The following DNASE1 variants were observed in gnomAD, a reference collection of about 807,000 sequenced individuals.
The protein encoded by DNASE1 is deoxyribonuclease 1, also known as deoxyribonuclease-1.
DNASE1 carries 40 observed loss-of-function variants against 33.9 expected under a neutral mutation model. The observed-to-expected ratio is 1.18, with a 90% CI of 0.92 to 1.54. The LOEUF (loss-of-function observed/expected upper bound fraction) is 1.54. DNASE1 is among the 40% of genes most tolerant of loss of function. The pLI, the probability that DNASE1 is intolerant of heterozygous loss-of-function variation, is 0.00. For synonymous variants in DNASE1, 216 were observed against 160.0 expected (o/e 1.35, Z -2.64); for missense variants, 518 against 372.6 (o/e 1.39, Z -3.21).
chr16:3,627,965 A>G (rs539859223), intron 1 of DNASE1, among the ~76,000 whole-genome samples: 55 of 145,470 alleles, frequency 3.8e-4, no homozygotes, highest in Non-Finnish European at 7.8e-4. Context: ...AAAAAAAGTC[A>G]TTGGGATTTT....
downstream of DNASE1, chr16:3,661,302 A>G (rs2043058651): frequency 6.6e-6 from 1 of 152,134 alleles, no homozygotes; most frequent in Non-Finnish European, 1.5e-5. Context: ...GTGAAAAGAC[A>G]TTTACAACAG....
rs112771320 is a variant in DNASE1 at position 3,616,391 on chromosome 16, C to T, written c.-1359+4385C>T. ...ATCCCGGCATTTTGGGAGTCTGAGT[C>T]AGGCAGATCACTTGAGGTCAGGAGT... is the stretch of plus-strand genomic sequence containing the variant. On this transcript the variant is annotated intron_variant and NMD_transcript_variant, in intron 1 of 11. Transcript: ENST00000570769. Among the ~76,000 whole-genome samples the T allele has an allele frequency of 3.6e-3, 541 of 152,308 alleles. 3 individuals carry two copies. The highest frequency in any genetic ancestry group is 0.012 in the African/African-American group (515 of 41,562).
intron 1 of DNASE1, among the ~76,000 whole-genome samples, chr16:3,637,543 T>C (rs2041905724): frequency 6.6e-6 from 1 of 152,192 alleles, no homozygotes; most frequent in Non-Finnish European, 1.5e-5. Context: ...TTCCTGCCTG[T>C]GGAAGGCTTA....
chr16:3,661,845 C>T, downstream of DNASE1: 1 of 1,135,362 alleles, frequency 8.8e-7, no homozygotes. Context: ...GCAGCCTAAA[C>T]TGCATACAGC....
intron 1 of DNASE1, among the ~76,000 whole-genome samples, chr16:3,625,280 T>A (rs977517437): frequency 6.6e-6 from 1 of 152,146 alleles, no homozygotes; most frequent in African/African-American, 2.4e-5. Context: ...CATTCCAGCC[T>A]GGGCAACAGA....
chr16:3,654,990 T>C lies in DNASE1; in HGVS notation c.-56T>C, dbSNP rs903515190. ...AGGAGAAAATTGTCATCAAAGGATA[T>C]TCCAGATTCTTGACAGCATTCTCGT... is the stretch of plus-strand genomic sequence containing the variant. On this transcript the variant is annotated 5_prime_UTR_variant, in exon 1 of 9. Coordinates refer to ENST00000246949, the MANE Select transcript of DNASE1 (RefSeq NM_005223.4). The C allele has an allele frequency of 2.1e-5, 10 of 484,016 alleles. No individual in the cohort carries two copies. Among genetic ancestry groups the C allele is most frequent in the African/African-American group, 1.8e-4 (9 of 50,886 alleles). 30.0% of individuals were successfully genotyped at this position (484,016 alleles called of 1,614,324 possible).
At chr16:3,617,385 G>A (rs935643602) in intron 1 of DNASE1, among the ~76,000 whole-genome samples, 3 of 148,164 alleles carry the variant, frequency 2.0e-5, no homozygotes, top group African/African-American at 7.7e-5. Flanking sequence ...TTATGACCTT[G>A]GAGTTGGCAG....
downstream of DNASE1, chr16:3,658,125 G>C (rs1292853401): frequency 6.2e-7 from 1 of 1,613,814 alleles, no homozygotes; most frequent in Non-Finnish European, 8.5e-7. Flanking sequence ...TGGCCCCCTG[G>C]CTGTCAGTGT....
At chr16:3,659,055 TGTCA>T (rs977427214), downstream of DNASE1, 89 of 603,228 alleles carry the variant, frequency 1.5e-4, 1 homozygote, top group South Asian at 8.6e-4. Context: ...GAATCAGGAG[TGTCA>T]GTATTAGAAA....
upstream of DNASE1, among the ~76,000 whole-genome samples, chr16:3,650,289 G>A (rs995186946): frequency 1.3e-5 from 2 of 152,082 alleles, no homozygotes; most frequent in African/African-American, 2.4e-5. Flanking sequence ...TAGAAACCAC[G>A]AGTTATTAAT....
At chr16:3,612,904 A>G (rs1027842183) in intron 1 of DNASE1, among the ~76,000 whole-genome samples, 4 of 139,948 alleles carry the variant, frequency 2.9e-5, no homozygotes, top group African/African-American at 1.3e-4. Context: ...TTAACATCTG[A>G]GAGTAGTGTG....
At chr16:3,633,877 C>T (rs954748173) in intron 1 of DNASE1, among the ~76,000 whole-genome samples, 10 of 150,790 alleles carry the variant, frequency 6.6e-5, no homozygotes, top group African/African-American at 2.2e-4. Context: ...GGCTCGATCT[C>T]GGCTCACTGC....
At chr16:3,628,538 T>C (rs2041592223) in intron 1 of DNASE1, among the ~76,000 whole-genome samples, 1 of 152,094 alleles carries the variant, frequency 6.6e-6, no homozygotes, top group African/African-American at 2.4e-5. Context: ...TGATGTTCAT[T>C]CAATGTGCAT....
At chr16:3,620,992 G>A (rs563387648) in intron 1 of DNASE1, among the ~76,000 whole-genome samples, 2 of 152,152 alleles carry the variant, frequency 1.3e-5, no homozygotes, top group South Asian at 2.1e-4. Context: ...TAGAGACGGG[G>A]TTTCACCATA....
chr16:3,624,256 G>A (rs1008371769), intron 1 of DNASE1, among the ~76,000 whole-genome samples: 2 of 149,242 alleles, frequency 1.3e-5, no homozygotes, highest in African/African-American at 5.0e-5. Context: ...GCGACAGAGT[G>A]AGACTCTGTC....
rs1374441087 is a variant in DNASE1 at position 3,656,176 on chromosome 16, TC to T, written c.312del (p.Phe104LeufsTer60). On this transcript the variant is annotated frameshift_variant, in exon 4 of 9. Coordinates refer to ENST00000246949, the MANE Select transcript of DNASE1 (RefSeq NM_005223.4). LOFTEE classifies it high-confidence loss of function. ...AACAGCTATAAGGAGCGCTACCTGT[TC>T]GTGTACAGGTGGGTGGTCTAGAAAG... is the stretch of plus-strand genomic sequence containing the variant. ...GRNSYKERYL[F>X]VYRPDQVSAV... 6.2e-7 allele frequency: 1 copy of T among 1,613,856 alleles called. No homozygotes were observed. Among genetic ancestry groups the T allele is most frequent in the African/African-American group, 1.3e-5 (1 of 74,910 alleles).
intron 5 of DNASE1, 88 bp downstream of exon 5, chr16:3,656,841 C>T: frequency 1.9e-6 from 3 of 1,542,080 alleles, no homozygotes; most frequent in Non-Finnish European, 2.6e-6. Context: ...CTGTGTCACA[C>T]ACTGCCCTCC....
chr16:3,631,973 C>T (rs776056491), intron 1 of DNASE1, among the ~76,000 whole-genome samples: 1 of 152,130 alleles, frequency 6.6e-6, no homozygotes. Flanking sequence ...TTTATAGCAG[C>T]GTAATTTCAG....
intron 1 of DNASE1, among the ~76,000 whole-genome samples, chr16:3,637,818 T>A (rs1162130182): frequency 2.0e-5 from 3 of 152,146 alleles, no homozygotes; most frequent in Non-Finnish European, 4.4e-5. Flanking sequence ...AATTGCTGTG[T>A]AAATTTTCCT....
Sources: gnomAD v4.1 joint callset for allele counts (sites outside exome capture counted in the v4.1 genomes callset) on GRCh38, gnomAD v4.1.1 for gene constraint, MANE v1.5 for transcripts, NCBI Gene and HGNC (gene_info 2026-07-23, HGNC 2026-07-21) for gene names.